NTM: variants seen among roughly 807,000 people sequenced by gnomAD.
The protein encoded by NTM is IgLON family member 2.
In NTM, 13 loss-of-function variants were observed where a neutral mutation model predicts 42.1. That is an observed-to-expected ratio of 0.31 (90% CI 0.20 to 0.49). The LOEUF (loss-of-function observed/expected upper bound fraction) is 0.49. Ranked by LOEUF, NTM falls within the 20% of genes least tolerant of loss-of-function variation. NTM has a pLI of 0.99. For missense variants in NTM, 373 were observed against 452.8 expected, an observed-to-expected ratio of 0.82 and a Z score of 1.60; for synonymous variants, 187 against 179.2, an observed-to-expected ratio of 1.04 and a Z score of -0.35.
At chr11:131,392,517 C>T (rs1047396670) in intron 1 of NTM, among the ~76,000 whole-genome samples, 1 of 152,228 alleles carries the variant, frequency 6.6e-6, no homozygotes, top group Non-Finnish European at 1.5e-5. Flanking sequence ...ACCTCCCTGG[C>T]TCATGGGTGA....
chr11:131,384,478 CG>C (rs1943068231), intron 1 of NTM, among the ~76,000 whole-genome samples: 1 of 151,774 alleles, frequency 6.6e-6, no homozygotes, highest in South Asian at 2.1e-4. Context: ...TTTTGTGGGG[CG>C]GAACAATGGG....
intron 1 of NTM, among the ~76,000 whole-genome samples, chr11:131,712,460 G>A (rs2077273098): frequency 6.6e-6 from 1 of 152,104 alleles, no homozygotes; most frequent in South Asian, 2.1e-4. Flanking sequence ...ATCATCATAT[G>A]TATACACATA....
At chr11:132,052,315 C>A (rs562949661) in intron 2 of NTM, among the ~76,000 whole-genome samples, 1 of 152,176 alleles carries the variant, frequency 6.6e-6, no homozygotes, top group Non-Finnish European at 1.5e-5. Flanking sequence ...TGTTCTTGGA[C>A]ACCAGCATTC....
intron 4 of NTM, among the ~76,000 whole-genome samples, chr11:132,248,549 C>T (rs970471848): frequency 3.3e-5 from 5 of 152,116 alleles, no homozygotes; most frequent in Non-Finnish European, 7.3e-5. Flanking sequence ...TCACCTAGCA[C>T]CTAGTTCTCT....
intron 2 of NTM, among the ~76,000 whole-genome samples, chr11:132,001,144 A>T (rs569895671): frequency 6.6e-6 from 1 of 152,310 alleles, no homozygotes; most frequent in Non-Finnish European, 1.5e-5. Flanking sequence ...TTGCTAAAGA[A>T]AAAAAGCGGC....
chr11:132,220,413 A>G (rs1283341838), intron 4 of NTM, among the ~76,000 whole-genome samples: 2 of 152,202 alleles, frequency 1.3e-5, no homozygotes, highest in African/African-American at 4.8e-5. Flanking sequence ...GCCAGTGTCA[A>G]TAGGGGTTTT....
At chr11:131,418,218 G>C (rs897455026) in intron 1 of NTM, among the ~76,000 whole-genome samples, 1 of 152,206 alleles carries the variant, frequency 6.6e-6, no homozygotes, top group African/African-American at 2.4e-5. Context: ...AAGCAATTTT[G>C]AATGGGATTC....
At chr11:131,639,481 C>G (rs2064851344) in intron 1 of NTM, among the ~76,000 whole-genome samples, 1 of 152,156 alleles carries the variant, frequency 6.6e-6, no homozygotes, top group Non-Finnish European at 1.5e-5. Context: ...GATATCACAC[C>G]ACAGACATCC....
intron 1 of NTM, among the ~76,000 whole-genome samples, chr11:131,831,808 C>G (rs1385018622): frequency 6.6e-6 from 1 of 151,948 alleles, no homozygotes; most frequent in Non-Finnish European, 1.5e-5. Context: ...CTTGACCACT[C>G]TTTGACTAGG....
intron 1 of NTM, among the ~76,000 whole-genome samples, chr11:131,483,925 C>T (rs1953888288): frequency 6.6e-6 from 1 of 152,056 alleles, no homozygotes; most frequent in Non-Finnish European, 1.5e-5. Context: ...GAATTCATGC[C>T]ATTGAATCAC....
chr11:132,289,280 A>G (rs971822625), intron 4 of NTM, among the ~76,000 whole-genome samples: 1 of 152,162 alleles, frequency 6.6e-6, no homozygotes, highest in African/African-American at 2.4e-5. Context: ...ACTAGACTCT[A>G]GATTCTGTTA....
chr11:132,213,181 T>C (rs963762949), intron 4 of NTM, among the ~76,000 whole-genome samples: 1 of 152,044 alleles, frequency 6.6e-6, no homozygotes, highest in African/African-American at 2.4e-5. Context: ...TGTGCACAGA[T>C]GGATGAAGGT....
chr11:131,657,503 T>G (rs1366081449), intron 1 of NTM, among the ~76,000 whole-genome samples: 1 of 152,228 alleles, frequency 6.6e-6, no homozygotes, highest in African/African-American at 2.4e-5. Flanking sequence ...AATTCCAGTT[T>G]GTTTTTCCTT....
intron 1 of NTM, among the ~76,000 whole-genome samples, chr11:131,625,271 G>C (rs1434565226): frequency 1.3e-5 from 2 of 152,116 alleles, no homozygotes; most frequent in South Asian, 2.1e-4. Context: ...GATGTGGGGG[G>C]CCACCCTGAT....
intron 1 of NTM, among the ~76,000 whole-genome samples, chr11:131,653,704 G>T (rs1375219561): frequency 6.6e-6 from 1 of 152,222 alleles, no homozygotes; most frequent in African/African-American, 2.4e-5. Flanking sequence ...TCCTGGTGGA[G>T]CTTCCAGTAT....
At chr11:131,564,892 G>C (rs1343562524) in intron 1 of NTM, among the ~76,000 whole-genome samples, 2 of 152,160 alleles carry the variant, frequency 1.3e-5, no homozygotes, top group South Asian at 4.2e-4. Flanking sequence ...CCTTTCTTCT[G>C]TAAGTGAAGC....
At chr11:132,181,746 C>A (rs1474930519) in intron 3 of NTM, among the ~76,000 whole-genome samples, 1 of 152,104 alleles carries the variant, frequency 6.6e-6, no homozygotes, top group African/African-American at 2.4e-5. Flanking sequence ...CTCTTCTGTT[C>A]CTTCTGATAC....
chr11:132,127,517 T>C (rs2066042362), intron 2 of NTM, among the ~76,000 whole-genome samples: 1 of 152,228 alleles, frequency 6.6e-6, no homozygotes, highest in Admixed American at 6.5e-5. Flanking sequence ...ATCGTGCCCT[T>C]TGCCCACCTT....
At chr11:131,478,205 C>T (rs1392940869) in intron 1 of NTM, among the ~76,000 whole-genome samples, 2 of 152,144 alleles carry the variant, frequency 1.3e-5, no homozygotes. Flanking sequence ...TTACAGTTTC[C>T]TTCATGGAAA....
Sources: allele counts gnomAD v4.1 joint callset (sites outside exome capture counted in the v4.1 genomes callset), GRCh38; gene constraint gnomAD v4.1.1; transcripts MANE v1.5; gene names NCBI Gene and HGNC (gene_info 2026-07-23, HGNC 2026-07-21).